The following DIP2A variants were observed in gnomAD, a reference collection of about 807,000 sequenced individuals.
The protein encoded by DIP2A is DIP2 acetate--CoA ligase A.
DIP2A carries 85 observed loss-of-function variants against 177.4 expected under a neutral mutation model. The observed-to-expected ratio is 0.48, with a 90% CI of 0.40 to 0.57. The LOEUF (loss-of-function observed/expected upper bound fraction) is 0.57. Among genes scored for constraint, DIP2A ranks in the 20% least tolerant of loss-of-function variants. DIP2A has a pLI of 0.00. For missense variants in DIP2A, 1,791 were observed against 2,100.2 expected, an observed-to-expected ratio of 0.85 and a Z score of 2.88; for synonymous variants, 886 against 881.8, an observed-to-expected ratio of 1.00 and a Z score of -0.08.
intron 21 of DIP2A, chr21:46,547,286 G>T (rs1354799859): frequency 1.7e-6 from 2 of 1,200,118 alleles, no homozygotes; most frequent in South Asian, 2.1e-5. Flanking sequence ...AAAATTTGGG[G>T]CAAAGGCTCA....
intron 3 of DIP2A, among the ~76,000 whole-genome samples, chr21:46,495,244 T>TTCTTTCTCTCTC (rs2057274679): frequency 4.2e-4 from 16 of 38,192 alleles, no homozygotes; most frequent in East Asian, 2.0e-3. Context: ...CTTCTCTTCT[T>TTCTTTCTCTCTC]TCTCTCTCTC....
intron 1 of DIP2A, among the ~76,000 whole-genome samples, chr21:46,468,535 C>A (rs111276940): frequency 0.076 from 11,615 of 152,084 alleles, 1,085 homozygotes; most frequent in African/African-American, 0.23. Flanking sequence ...TTGCCAGAGA[C>A]TGGGGTGGTG....
At chr21:46,479,220 C>T (rs2056159417) in intron 1 of DIP2A, among the ~76,000 whole-genome samples, 1 of 152,176 alleles carries the variant, frequency 6.6e-6, no homozygotes, top group Non-Finnish European at 1.5e-5. Flanking sequence ...TTTTTGACTT[C>T]ACTTGGCCCT....
the DIP2A span, among the ~76,000 whole-genome samples, chr21:46,580,164 T>C: frequency 3.9e-5 from 6 of 152,230 alleles, no homozygotes; most frequent in African/African-American, 1.4e-4. Context: ...TTAGGACAGT[T>C]AGCTCTTCTT....
chr21:46,531,082 T>G (rs2059336465), intron 9 of DIP2A, among the ~76,000 whole-genome samples: 1 of 151,450 alleles, frequency 6.6e-6, no homozygotes, highest in South Asian at 2.1e-4. Context: ...AGTGAGTGAG[T>G]AGGGTGCAAG....
intron 6 of DIP2A, 57 bp downstream of exon 6, chr21:46,504,546 G>A (rs1338217593): frequency 8.5e-6 from 13 of 1,538,410 alleles, no homozygotes; most frequent in Admixed American, 2.0e-5. Flanking sequence ...TTGTCTTTGG[G>A]TATTGAACAC....
At chr21:46,503,614 TTCTTTC>T (rs1215644506) in intron 5 of DIP2A, among the ~76,000 whole-genome samples, 4 of 90,076 alleles carry the variant, frequency 4.4e-5, no homozygotes, top group East Asian at 6.9e-4. Context: ...CTTCCTTCCT[TTCTTTC>T]TTTCTTTCTT....
Position 46,556,070 on chromosome 21 carries a change from T to C in DIP2A, c.3477T>C (p.Thr1159=), listed in dbSNP as rs912666573. ...ACTTGGACTTCAGCGTGTCAACCAC[T>C]GGGATATTAGCGGGAGTGAAGGTAG... ...LAYLDFSVST[T]GILAGVKMSH... Residue 1159 remains threonine, a synonymous_variant, in exon 29 of 38, where the codon ACT becomes ACC. Coordinates refer to ENST00000417564, the MANE Select transcript of DIP2A (RefSeq NM_015151.4). This position sits in a 1 kb window ranked among gnomAD's most constrained non-coding sequence, Gnocchi z 4.5. The C allele has an allele frequency of 5.0e-6, 8 of 1,613,802 alleles. No homozygotes were observed. Among genetic ancestry groups the C allele is most frequent in the Admixed American group, 3.3e-5 (2 of 60,012 alleles).
intron 19 of DIP2A, among the ~76,000 whole-genome samples, chr21:46,545,593 C>G (rs1344071788): frequency 2.0e-5 from 3 of 152,200 alleles, no homozygotes; most frequent in Non-Finnish European, 4.4e-5. Context: ...GGGAAACCAG[C>G]CCTCTGCTAT....
At chr21:46,479,585 G>T (rs1211908259) in intron 1 of DIP2A, among the ~76,000 whole-genome samples, 1 of 152,068 alleles carries the variant, frequency 6.6e-6, no homozygotes. Context: ...GAGTGCAGTG[G>T]TGCGATCATA....
chr21:46,562,498 A>G (rs1264187654), intron 34 of DIP2A, among the ~76,000 whole-genome samples: 1 of 152,166 alleles, frequency 6.6e-6, no homozygotes. Flanking sequence ...GGCCACAGCC[A>G]CCTGTGGGGA....
At chr21:46,489,105 G>T (rs777250182) in intron 2 of DIP2A, among the ~76,000 whole-genome samples, 2 of 151,708 alleles carry the variant, frequency 1.3e-5, no homozygotes, top group African/African-American at 2.4e-5. Flanking sequence ...ACACGTGTGT[G>T]TGTGGGTGTG....
rs201570162 is a variant in DIP2A, at chr21:46,549,897, G to A, written c.2637+12G>A. The A allele has an allele frequency of 1.9e-4, 306 of 1,608,944 alleles. 1 individual carries two copies. The African/African-American group carries it at 2.0e-3, about 11-fold the overall frequency. ...GCCGTGTGCTGCAGGTGGGCGCCCC[G>A]GCACGGCCTATGGTTCGGTGAATCT... On this transcript the variant is annotated intron_variant, in intron 22 of 37. Coordinates refer to ENST00000417564, the MANE Select transcript of DIP2A (RefSeq NM_015151.4).
In DIP2A at chr21:46,567,693, C is replaced by T; in HGVS notation, c.*71C>T. 3 of 1,512,670 alleles carry T rather than the reference C, an allele frequency of 2.0e-6. No individual in the cohort carries two copies. Among genetic ancestry groups the T allele is most frequent in the South Asian group, 2.6e-5 (2 of 76,520 alleles). The allele number at this position is 1,512,670 out of a possible 1,614,324, so 93.7% of individuals were successfully genotyped here. On this transcript the variant is annotated 3_prime_UTR_variant, in exon 38 of 38. Coordinates refer to ENST00000417564, the MANE Select transcript of DIP2A (RefSeq NM_015151.4). ...GTCCAAGGTGTGATGTGGGAAGACA[C>T]CGCAGAGCTCACTCACCGGGACTCG... is the stretch of plus-strand genomic sequence containing the variant.
chr21:46,462,929 G>A (rs1488668319), intron 1 of DIP2A: 1 of 152,222 alleles, frequency 6.6e-6, no homozygotes, highest in East Asian at 1.9e-4. Context: ...CCTGAGGGAA[G>A]GTTCTGGTAG....
chr21:46,544,416 G>A (rs555938219), intron 18 of DIP2A, among the ~76,000 whole-genome samples: 1 of 152,290 alleles, frequency 6.6e-6, no homozygotes, highest in East Asian at 1.9e-4. Context: ...TCCTGGTCTT[G>A]AGTGGCTGCA....
chr21:46,545,417 G>C, intron 19 of DIP2A, 144 bp downstream of exon 19: 1 of 964,352 alleles, frequency 1.0e-6, no homozygotes, highest in East Asian at 2.5e-5. Context: ...GTTGGCACAT[G>C]GCCTGCACAC....
intron 35 of DIP2A, among the ~76,000 whole-genome samples, chr21:46,565,449 C>T (rs554096233): frequency 1.3e-5 from 2 of 152,300 alleles, no homozygotes; most frequent in African/African-American, 2.4e-5. Context: ...TTGCCCCTCT[C>T]GACTTACCCA....
intron 5 of DIP2A, among the ~76,000 whole-genome samples, chr21:46,499,866 C>T (rs2057556338): frequency 6.6e-6 from 1 of 152,196 alleles, no homozygotes; most frequent in African/African-American, 2.4e-5. Flanking sequence ...GATCAGACAG[C>T]AGCCTTAAGT....
Sources: allele counts gnomAD v4.1 joint callset (sites outside exome capture counted in the v4.1 genomes callset), GRCh38; gene constraint gnomAD v4.1.1; non-coding constraint Gnocchi (gnomAD v3.1); transcripts MANE v1.5; gene names NCBI Gene and HGNC (gene_info 2026-07-23, HGNC 2026-07-21).